The following KCNH8 variants were observed in gnomAD, a reference collection of about 807,000 sequenced individuals.
KCNH8 encodes potassium voltage-gated channel subfamily H member 8.
In KCNH8, 70 loss-of-function variants were observed where a neutral mutation model predicts 103.6. The ratio of observed to expected loss-of-function variants is 0.68; its 90% CI spans 0.56 to 0.82. KCNH8 has a LOEUF of 0.82. KCNH8 is among the 40% of genes least tolerant of loss of function. The pLI, the probability that KCNH8 is intolerant of heterozygous loss-of-function variation, is 0.00. For missense variants in KCNH8, 1,217 were observed against 1,329.9 expected (o/e 0.92, Z 1.32); for synonymous variants, 498 against 489.4 (o/e 1.02, Z -0.23).
At chr3:19,205,032 AG>A (rs1377244059) in intron 1 of KCNH8, among the ~76,000 whole-genome samples, 1 of 152,004 alleles carries the variant, frequency 6.6e-6, no homozygotes, top group Non-Finnish European at 1.5e-5. Context: ...AGAGATCAAA[AG>A]AATACAGTGT....
intron 7 of KCNH8, among the ~76,000 whole-genome samples, chr3:19,420,412 G>T (rs1335120659): frequency 1.3e-5 from 2 of 152,164 alleles, no homozygotes; most frequent in African/African-American, 4.8e-5. Context: ...GCCTGAAATG[G>T]AATTCTGTCA....
intron 11 of KCNH8, among the ~76,000 whole-genome samples, chr3:19,509,485 TCCAGG>T (rs983821602): frequency 6.6e-6 from 1 of 152,178 alleles, no homozygotes; most frequent in Non-Finnish European, 1.5e-5. Context: ...GAAGCATGTT[TCCAGG>T]ACATGTCATA....
At chr3:19,256,040 A>G (rs1213638866) in intron 2 of KCNH8, among the ~76,000 whole-genome samples, 1 of 152,146 alleles carries the variant, frequency 6.6e-6, no homozygotes, top group East Asian at 1.9e-4. Flanking sequence ...ACTCTAACAC[A>G]GGGTTTCTCA....
chr3:19,499,381 G>A (rs890722676), intron 11 of KCNH8, among the ~76,000 whole-genome samples: 1 of 152,160 alleles, frequency 6.6e-6, no homozygotes, highest in Non-Finnish European at 1.5e-5. Flanking sequence ...ATATTATCCA[G>A]GAGAACTTCC....
At chr3:19,346,727 A>G in intron 4 of KCNH8, 1 of 455,826 alleles carries the variant, frequency 2.2e-6, no homozygotes, top group Non-Finnish European at 4.4e-6. Flanking sequence ...CAACATTGTG[A>G]CCTACAAGTA....
chr3:19,406,413 TGA>T (rs1183176337), intron 7 of KCNH8, among the ~76,000 whole-genome samples: 1 of 152,118 alleles, frequency 6.6e-6, no homozygotes, highest in African/African-American at 2.4e-5. Flanking sequence ...TTTCTTAAAT[TGA>T]GAGAAACCAA....
chr3:19,533,946 G>C lies in KCNH8; in HGVS notation c.3171G>C (p.Gln1057His). ...PSRSEEGSFS[Q>H]GTVSSFSLEN... ...GATCAGAGGAGGGCAGCTTCAGTCA[G>C]GGAACTGTGAGTTCCTTCAGTCTGG... Residue 1057 changes from glutamine to histidine, a missense_variant, in exon 16 of 16, where the codon CAG (glutamine) becomes CAC (histidine). Physicochemically the swap from Gln to His is conservative, Grantham distance 24. Transcript: ENST00000328405. The C allele has an allele frequency of 6.2e-7, 1 of 1,614,082 alleles. No individual in the cohort carries two copies. The highest frequency in any genetic ancestry group is 8.5e-7 in the Non-Finnish European group (1 of 1,179,972).
At position 19,498,447 on chromosome 3, in the gene KCNH8, GAATTCCCTC is replaced by G. The variant is rs2068495150; in HGVS notation, c.2041-11914_2041-11906del. On this transcript the variant is annotated intron_variant, in intron 11 of 15. Coordinates refer to ENST00000328405, the MANE Select transcript of KCNH8 (RefSeq NM_144633.3). ...CTTGTAAGGCAGGCATGGTGGTAATGAATTCCCTCAGCGCTGACTTGTCTCAAAAGGATC... is the reference window on the plus strand; with the variant it reads ...CTTGTAAGGCAGGCATGGTGGTAATGAGCGCTGACTTGTCTCAAAAGGATC... Among the ~76,000 whole-genome samples, 4 of 152,246 alleles carry G rather than the reference GAATTCCCTC, an allele frequency of 2.6e-5. No individual in the cohort carries two copies. In the South Asian group the frequency reaches 8.3e-4, roughly 32 times the overall value.
intron 1 of KCNH8, among the ~76,000 whole-genome samples, chr3:19,204,812 C>T (rs1370174227): frequency 6.6e-6 from 1 of 152,022 alleles, no homozygotes; most frequent in African/African-American, 2.4e-5. Context: ...ATCTTAGCTC[C>T]ATTCATTATA....
intron 3 of KCNH8, among the ~76,000 whole-genome samples, chr3:19,291,833 G>T (rs961922017): frequency 6.6e-6 from 1 of 152,022 alleles, no homozygotes; most frequent in African/African-American, 2.4e-5. Context: ...CTGTTATCTT[G>T]TCATTCCCAA....
chr3:19,477,040 T>A lies in KCNH8; in HGVS notation c.2040+20058T>A, dbSNP rs1051410158. 2.6e-4 allele frequency among the ~76,000 whole-genome samples: 39 copies of A among 152,172 alleles called. 1 individual carries two copies. Among genetic ancestry groups the A allele is most frequent in the Admixed American group, 4.6e-4 (7 of 15,254 alleles). On this transcript the variant is annotated intron_variant, in intron 11 of 15. Transcript: ENST00000328405. ...AAGAAAAATATGGAATGCCTGGCCA[T>A]TTCTTTATATAAAGTATTCTTCCTA...
intron 11 of KCNH8, among the ~76,000 whole-genome samples, chr3:19,488,157 G>C (rs1448199207): frequency 6.6e-6 from 1 of 152,100 alleles, no homozygotes; most frequent in Non-Finnish European, 1.5e-5. Flanking sequence ...GAATCACCTT[G>C]TTTTTCCTTC....
At chr3:19,451,822 G>A (rs2067452454) in intron 10 of KCNH8, among the ~76,000 whole-genome samples, 1 of 152,086 alleles carries the variant, frequency 6.6e-6, no homozygotes, top group African/African-American at 2.4e-5. Flanking sequence ...AATTGTACCT[G>A]TACTAGAAAT....
At chr3:19,201,488 A>T (rs986381292) in intron 1 of KCNH8, among the ~76,000 whole-genome samples, 13 of 151,968 alleles carry the variant, frequency 8.6e-5, no homozygotes, top group Admixed American at 8.5e-4. Context: ...TACATAAGAA[A>T]ACTGTGGTTT....
intron 5 of KCNH8, among the ~76,000 whole-genome samples, chr3:19,349,249 T>A (rs2065768159): frequency 6.6e-6 from 1 of 152,094 alleles, no homozygotes; most frequent in East Asian, 1.9e-4. Flanking sequence ...AATGGTTAAA[T>A]GGAAAATAAC....
chr3:19,482,025 G>T (rs1054602791), intron 11 of KCNH8, among the ~76,000 whole-genome samples: 1 of 152,170 alleles, frequency 6.6e-6, no homozygotes, highest in Non-Finnish European at 1.5e-5. Flanking sequence ...AGCTCCCCGA[G>T]TGAGCAATTC....
chr3:19,350,293 A>T (rs1356185006), intron 5 of KCNH8, among the ~76,000 whole-genome samples: 1 of 152,132 alleles, frequency 6.6e-6, no homozygotes, highest in Non-Finnish European at 1.5e-5. Flanking sequence ...TATCTTTACA[A>T]TGTGAAGGTA....
chr3:19,177,027 A>T (rs916605599), intron 1 of KCNH8, among the ~76,000 whole-genome samples: 7 of 152,124 alleles, frequency 4.6e-5, no homozygotes, highest in African/African-American at 1.7e-4. Context: ...AGCTTATCTA[A>T]CACATGTGTT....
At chr3:19,523,142 G>A (rs2069002404) in intron 15 of KCNH8, among the ~76,000 whole-genome samples, 4 of 151,776 alleles carry the variant, frequency 2.6e-5, no homozygotes, top group Admixed American at 2.6e-4. Context: ...TAGAGACCAA[G>A]CTCTTATTGC....
Sources: allele counts gnomAD v4.1 joint callset (sites outside exome capture counted in the v4.1 genomes callset), GRCh38; gene constraint gnomAD v4.1.1; transcripts MANE v1.5; gene names NCBI Gene and HGNC (gene_info 2026-07-23, HGNC 2026-07-21).